RUNX1T1: variants seen among roughly 807,000 people sequenced by gnomAD.
The protein encoded by RUNX1T1 is protein CBFA2T1.
In RUNX1T1, 4 loss-of-function variants were observed where a neutral mutation model predicts 62.8. That is an observed-to-expected ratio of 0.06 (90% CI 0.03 to 0.15). RUNX1T1 has a LOEUF of 0.15. RUNX1T1 is among the 10% of genes least tolerant of loss of function. RUNX1T1 has a pLI of 1.00. For synonymous variants in RUNX1T1, 291 were observed against 286.0 expected, an observed-to-expected ratio of 1.02 and a Z score of -0.18; for missense variants, 508 against 754.3, an observed-to-expected ratio of 0.67 and a Z score of 3.82.
At chr8:91,959,454 G>A (rs1196068639) in exon 11 of RUNX1T1, 1,345 of 120,876 alleles carry the variant, frequency 0.011, 23 homozygotes, top group South Asian at 0.027. Flanking sequence ...GTGTGTGTGT[G>A]TGTGTGTGTG....
At chr8:91,959,492 A>G (rs144645714) in exon 11 of RUNX1T1, 1,033 of 86,924 alleles carry the variant, frequency 0.012, 43 homozygotes, top group African/African-American at 0.036. Flanking sequence ...GTGTGTGTAT[A>G]TATATATATA....
intron 1 of RUNX1T1, among the ~76,000 whole-genome samples, chr8:92,029,621 C>T (rs1168361397): frequency 1.3e-5 from 2 of 152,120 alleles, no homozygotes; most frequent in Non-Finnish European, 2.9e-5. Context: ...CAAGTAGCTT[C>T]GTCTCCCACA....
At chr8:91,964,060 T>C (rs1362305934) in intron 10 of RUNX1T1, among the ~76,000 whole-genome samples, 1 of 152,172 alleles carries the variant, frequency 6.6e-6, no homozygotes, top group Non-Finnish European at 1.5e-5. Context: ...AGGTTGTGAC[T>C]CAGATGAAGA....
upstream of RUNX1T1, chr8:92,102,849 A>G (rs929665456): frequency 3.3e-6 from 5 of 1,517,014 alleles, no homozygotes; most frequent in Admixed American, 2.1e-5. The surrounding 1 kb of genome is among the most constrained non-coding windows in gnomAD (Gnocchi z 4.5). Context: ...CCTACCGCGG[A>G]CACTTACACT....
intron 8 of RUNX1T1, among the ~76,000 whole-genome samples, chr8:91,981,653 G>A (rs1221322427): frequency 1.3e-5 from 2 of 151,770 alleles, no homozygotes; most frequent in East Asian, 3.9e-4. Flanking sequence ...CTGACCTCAT[G>A]ATCTGCCCGC....
downstream of RUNX1T1, chr8:91,957,012 C>G (rs2130344450): frequency 4.6e-6 from 1 of 216,804 alleles, no homozygotes; most frequent in South Asian, 1.9e-4. Flanking sequence ...ACAGGTGGCC[C>G]TGTCACACAC....
At chr8:92,012,136 A>G (rs745706757) in intron 3 of RUNX1T1, among the ~76,000 whole-genome samples, 11 of 152,192 alleles carry the variant, frequency 7.2e-5, no homozygotes, top group Non-Finnish European at 1.6e-4. Context: ...CACACTCAAA[A>G]CATCTTCATA....
intron 1 of RUNX1T1, among the ~76,000 whole-genome samples, chr8:92,093,486 TAA>T (rs1238866084): frequency 1.3e-5 from 2 of 152,220 alleles, no homozygotes; most frequent in African/African-American, 4.8e-5. Flanking sequence ...TTAATCTATA[TAA>T]GTTATTGTCT....
intron 5 of RUNX1T1, among the ~76,000 whole-genome samples, chr8:91,994,090 T>C (rs1818221390): frequency 6.6e-6 from 1 of 152,160 alleles, no homozygotes; most frequent in South Asian, 2.1e-4. Context: ...TGCACTATTC[T>C]GAATAGACTG....
At chr8:92,011,089 G>A (rs1423169972) in exon 4 of RUNX1T1, 2 of 1,578,686 alleles carry the variant, frequency 1.3e-6, no homozygotes, top group Non-Finnish European at 8.7e-7. Context: ...TCAAAGTGGA[G>A]TTCTATGGAA....
Position 91,992,868 on chromosome 8 carries a change from G to A in RUNX1T1, c.660-979C>T, listed in dbSNP as rs567029363. ...TAAATAAGACCTGATAACTAGTCAC[G>A]ATTCCTTGATTCTCAAATAAAAGTA... On this transcript the variant is annotated intron_variant, in intron 5 of 10. Coordinates refer to ENST00000396218, the Ensembl canonical transcript of RUNX1T1. Among the ~76,000 whole-genome samples, 10 of 152,264 alleles carry A rather than the reference G, an allele frequency of 6.6e-5. No individual in the cohort carries two copies. The East Asian group carries it at 9.7e-4, about 15-fold the overall frequency.
chr8:91,958,537 A>G (rs1809702963), downstream of RUNX1T1: 1 of 188,770 alleles, frequency 5.3e-6, no homozygotes, highest in Non-Finnish European at 1.1e-5. Context: ...AAAATTAGAA[A>G]TACTTAAACG....
At chr8:91,998,894 A>C (rs889557816) in intron 5 of RUNX1T1, among the ~76,000 whole-genome samples, 1 of 151,514 alleles carries the variant, frequency 6.6e-6, no homozygotes, top group African/African-American at 2.4e-5. Flanking sequence ...TTTTTTAACT[A>C]AACAAAAAAA....
chr8:92,024,943 G>A (rs775759543), intron 1 of RUNX1T1, among the ~76,000 whole-genome samples: 1 of 152,092 alleles, frequency 6.6e-6, no homozygotes, highest in Non-Finnish European at 1.5e-5. Flanking sequence ...CTGTATTGTG[G>A]GAATAAACTC....
intron 2 of RUNX1T1, among the ~76,000 whole-genome samples, chr8:92,074,201 G>A (rs115215204): frequency 0.012 from 1,875 of 152,218 alleles, 25 homozygotes; most frequent in African/African-American, 0.028. Flanking sequence ...TGGGGGTTCC[G>A]TACATGAATA....
downstream of RUNX1T1, chr8:91,956,227 C>G (rs1200645976): frequency 4.3e-6 from 1 of 231,308 alleles, no homozygotes; most frequent in Non-Finnish European, 8.6e-6. Flanking sequence ...GCCAAGCTCT[C>G]CTTTCCTATG....
chr8:92,078,984 A>G (rs1834839057), intron 1 of RUNX1T1, among the ~76,000 whole-genome samples: 1 of 152,212 alleles, frequency 6.6e-6, no homozygotes, highest in Non-Finnish European at 1.5e-5. Context: ...TAGGATGTAA[A>G]GACTACACAC....
At chr8:91,970,043 T>TGTGTGGTGTGTG (rs11374252) in intron 10 of RUNX1T1, among the ~76,000 whole-genome samples, 2 of 142,810 alleles carry the variant, frequency 1.4e-5, no homozygotes, top group South Asian at 2.3e-4. Context: ...TGTGTGTGTG[T>TGTGTGGTGTGTG]TGTGTGTGTG....
downstream of RUNX1T1, chr8:91,956,525 A>G (rs575101720): frequency 4.5e-6 from 1 of 221,690 alleles, no homozygotes; most frequent in Non-Finnish European, 9.0e-6. Flanking sequence ...TTTATTACAC[A>G]GTAAAGAATA....
Sources: allele counts gnomAD v4.1 joint callset (sites outside exome capture counted in the v4.1 genomes callset), GRCh38; gene constraint gnomAD v4.1.1; non-coding constraint Gnocchi (gnomAD v3.1); transcripts MANE v1.5; gene names NCBI Gene and HGNC (gene_info 2026-07-23, HGNC 2026-07-21).